The following JAZF1 variants were observed in gnomAD, a reference collection of about 807,000 sequenced individuals.
JAZF1 encodes juxtaposed with another zinc finger protein 1.
In JAZF1, 8 loss-of-function variants were observed where a neutral mutation model predicts 26.4. The ratio of observed to expected loss-of-function variants is 0.30; its 90% CI spans 0.18 to 0.55. The LOEUF (loss-of-function observed/expected upper bound fraction) is 0.55. Ranked by LOEUF, JAZF1 falls within the 20% of genes least tolerant of loss-of-function variation. The pLI, the probability that JAZF1 is intolerant of heterozygous loss-of-function variation, is 0.94. For missense variants in JAZF1, 199 were observed against 322.0 expected, an observed-to-expected ratio of 0.62 and a Z score of 2.92; for synonymous variants, 126 against 122.3, an observed-to-expected ratio of 1.03 and a Z score of -0.20.
chr7:28,002,983 C>A (rs1266741003), intron 1 of JAZF1, among the ~76,000 whole-genome samples: 1 of 152,074 alleles, frequency 6.6e-6, no homozygotes, highest in Admixed American at 6.5e-5. Flanking sequence ...GAGTCTGGAT[C>A]CCTGATTGGG....
At chr7:28,056,687 T>C (rs143351337) in intron 1 of JAZF1, among the ~76,000 whole-genome samples, 584 of 152,298 alleles carry the variant, frequency 3.8e-3, no homozygotes, top group Middle Eastern at 0.02. Flanking sequence ...CTCAGGCTGC[T>C]TCTACAATCT....
chr7:27,897,661 A>G (rs1191236513), intron 2 of JAZF1, among the ~76,000 whole-genome samples: 1 of 152,196 alleles, frequency 6.6e-6, no homozygotes, highest in African/African-American at 2.4e-5. Context: ...GAGCGTGGTG[A>G]TCTTGTAGCT....
At chr7:27,933,688 G>T (rs542702416) in intron 2 of JAZF1, among the ~76,000 whole-genome samples, 17 of 152,254 alleles carry the variant, frequency 1.1e-4, no homozygotes, top group Non-Finnish European at 2.2e-4. Flanking sequence ...TGGACAAGAT[G>T]TTGGCTTCAT....
At chr7:28,030,290 C>A (rs114957317) in intron 1 of JAZF1, among the ~76,000 whole-genome samples, 3 of 152,260 alleles carry the variant, frequency 2.0e-5, no homozygotes, top group Middle Eastern at 3.4e-3. Context: ...CAAATCAATG[C>A]GGACAGGAGT....
At chr7:27,992,130 A>G in intron 1 of JAZF1, 149 bp from the exon 2 acceptor site, 1 of 698,952 alleles carries the variant, frequency 1.4e-6, no homozygotes, top group Non-Finnish European at 2.7e-6. Context: ...AAGCACAATC[A>G]TTTGTTCATT....
intron 1 of JAZF1, among the ~76,000 whole-genome samples, chr7:28,051,131 C>CAA (rs775277755): frequency 4.0e-4 from 39 of 96,518 alleles, no homozygotes; most frequent in East Asian, 2.2e-3. Flanking sequence ...GACTCCATCT[C>CAA]AAAAAAAAAA....
intron 2 of JAZF1, among the ~76,000 whole-genome samples, chr7:27,943,690 T>G (rs945603691): frequency 1.3e-5 from 2 of 152,232 alleles, no homozygotes; most frequent in Non-Finnish European, 2.9e-5. Context: ...CTCCCTCTCA[T>G]GAGCATTCGC....
chr7:27,948,174 G>A (rs933643937), intron 2 of JAZF1, among the ~76,000 whole-genome samples: 5 of 152,048 alleles, frequency 3.3e-5, no homozygotes, highest in African/African-American at 1.2e-4. Context: ...ATCACAGGCT[G>A]GGCAGAGAGA....
intron 2 of JAZF1, among the ~76,000 whole-genome samples, chr7:27,930,834 A>T (rs2189035): frequency 0.68 from 85,274 of 126,166 alleles, 24,843 homozygotes; most frequent in Middle Eastern, 0.72. Context: ...CATTTTTTTT[A>T]AAAAAAAAAG....
At chr7:28,041,603 G>A (rs1333405923) in intron 1 of JAZF1, among the ~76,000 whole-genome samples, 1 of 152,014 alleles carries the variant, frequency 6.6e-6, no homozygotes, top group East Asian at 1.9e-4. Flanking sequence ...ATCAGCCTAA[G>A]GGCAAGACCT....
rs1782718190 is a variant in JAZF1 at position 27,832,209 on chromosome 7, A to ATGTATGTTTTATATTTTTATTTAT, written c.*590_*591insATAAATAAAAATATAAAACATACA. The ATGTATGTTTTATATTTTTATTTAT allele has an allele frequency of 4.7e-6, 1 of 212,724 alleles. No homozygotes were observed. The highest frequency in any genetic ancestry group is 9.5e-6 in the Non-Finnish European group (1 of 104,962). 13.2% of individuals were successfully genotyped at this position (212,724 alleles called of 1,614,324 possible). A position where few individuals can be genotyped will look rare whatever the true frequency, so the allele number is the denominator to read the frequency against. On this transcript the variant is annotated 3_prime_UTR_variant, in exon 5 of 5. Transcript: ENST00000283928. ...GGATTTGCAAGATAATATAAAACAC[A>ATGTATGTTTTATATTTTTATTTAT]GAAAGCACACCTTTACGTATGTTAT...
intron 1 of JAZF1, among the ~76,000 whole-genome samples, chr7:28,167,597 G>A (rs1022081878): frequency 4.6e-5 from 7 of 152,286 alleles, no homozygotes; most frequent in African/African-American, 1.7e-4. Flanking sequence ...TCATCTGTAA[G>A]TTTCCTTTCC....
chr7:27,851,970 G>A (rs974299747), intron 3 of JAZF1, among the ~76,000 whole-genome samples: 1 of 151,224 alleles, frequency 6.6e-6, no homozygotes, highest in Admixed American at 6.6e-5. Context: ...GGGGTTCTGA[G>A]TTATGGACCC....
chr7:28,023,196 G>A (rs1783036147), intron 1 of JAZF1, among the ~76,000 whole-genome samples: 1 of 152,146 alleles, frequency 6.6e-6, no homozygotes, highest in African/African-American at 2.4e-5. Context: ...AGACAGAAAC[G>A]AGTCCAGCCG....
chr7:28,145,849 T>A (rs536918811), intron 1 of JAZF1, among the ~76,000 whole-genome samples: 5 of 152,346 alleles, frequency 3.3e-5, no homozygotes, highest in South Asian at 2.1e-4. Context: ...TTGCCTTTTC[T>A]AGAATTTCAT....
chr7:28,129,494 T>G (rs1034064466), intron 1 of JAZF1, among the ~76,000 whole-genome samples: 1 of 152,138 alleles, frequency 6.6e-6, no homozygotes, highest in African/African-American at 2.4e-5. Context: ...GGATTTGTGT[T>G]TAACTTATCT....
chr7:27,905,950 A>C (rs1173835949), intron 2 of JAZF1, among the ~76,000 whole-genome samples: 3 of 152,230 alleles, frequency 2.0e-5, no homozygotes, highest in Non-Finnish European at 4.4e-5. Flanking sequence ...TACTTGCATC[A>C]CATATATATA....
intron 1 of JAZF1, among the ~76,000 whole-genome samples, chr7:28,091,833 T>C (rs577546595): frequency 3.6e-3 from 543 of 152,236 alleles, no homozygotes; most frequent in Non-Finnish European, 6.2e-3. Context: ...TAAATGATGA[T>C]GGGTCCTTGA....
rs1782673812 is a variant in JAZF1, at chr7:27,830,875, C to CA, written c.*1924dup. 1 of 213,866 alleles carries CA rather than the reference C, an allele frequency of 4.7e-6. No individual in the cohort carries two copies. The highest frequency in any genetic ancestry group is 9.5e-6 in the Non-Finnish European group (1 of 105,660). The allele number at this position is 213,866 out of a possible 1,614,324, so 13.2% of individuals were successfully genotyped here. A position where few individuals can be genotyped will look rare whatever the true frequency, so the allele number is the denominator to read the frequency against. ...AGAAATTGGAATTTATCTTTGAAAG[C>CA]ATTGAAAGAAATTTAACATGCACAA... is the stretch of plus-strand genomic sequence containing the variant. On this transcript the variant is annotated 3_prime_UTR_variant, in exon 5 of 5. Coordinates refer to ENST00000283928, the MANE Select transcript of JAZF1 (RefSeq NM_175061.4).
Sources: gnomAD v4.1 joint callset for allele counts (sites outside exome capture counted in the v4.1 genomes callset) on GRCh38, gnomAD v4.1.1 for gene constraint, MANE v1.5 for transcripts, NCBI Gene and HGNC (gene_info 2026-07-23, HGNC 2026-07-21) for gene names.